The following EIF2B1 variants were observed in gnomAD, a reference collection of about 807,000 sequenced individuals.
EIF2B1 encodes the protein eukaryotic translation initiation factor 2B subunit alpha.
In EIF2B1, 30 loss-of-function variants were observed where a neutral mutation model predicts 36.8. The ratio of observed to expected loss-of-function variants is 0.81; its 90% confidence interval spans 0.61 to 1.10. The LOEUF (loss-of-function observed/expected upper bound fraction) is 1.10, where lower values mean the gene tolerates loss of function less well. Ranked by LOEUF, EIF2B1 falls within the 50% of genes least tolerant of loss-of-function variation. The probability of loss-of-function intolerance (pLI) is 0.00; values close to 1 mark genes in which losing one functional copy is unlikely to be tolerated. For missense variants in EIF2B1, 271 were observed against 374.8 expected, an observed-to-expected ratio of 0.72 and a Z score of 2.29; for synonymous variants, 139 against 142.2, an observed-to-expected ratio of 0.98 and a Z score of 0.16.
At position 123,624,770 on chromosome 12, in the gene EIF2B1, A is replaced by T. The variant is rs777398822; in HGVS notation, c.627+17T>A. 6.2e-7 allele frequency: 1 copy of T among 1,611,546 alleles called. No homozygotes were observed. The highest frequency in any genetic ancestry group is 1.1e-5 in the South Asian group (1 of 91,034). ...CCAAGTCTTGAGCAGGGAACTGGGG[A>T]GAACTGATGCTCTTACCTTGTTAAT... On this transcript the variant is annotated intron_variant, in intron 7 of 8. Transcript: ENST00000424014.
At chr12:123,622,988 G>A (rs1356445889) in intron 7 of EIF2B1, among the ~76,000 whole-genome samples, 1 of 151,856 alleles carries the variant, frequency 6.6e-6, no homozygotes, top group Non-Finnish European at 1.5e-5. Flanking sequence ...AGAAAGTTAT[G>A]TATATAATAT....
intron 7 of EIF2B1, among the ~76,000 whole-genome samples, chr12:123,624,256 C>T (rs1955131160): frequency 7.7e-6 from 1 of 129,102 alleles, no homozygotes; most frequent in Non-Finnish European, 1.6e-5. Context: ...ATAAATTACA[C>T]TTTTTTTTTT....
intron 4 of EIF2B1, among the ~76,000 whole-genome samples, chr12:123,628,958 C>T (rs1051615178): frequency 2.0e-5 from 3 of 152,182 alleles, no homozygotes; most frequent in Non-Finnish European, 4.4e-5. Flanking sequence ...GAAACCCGCA[C>T]AATACTGACG....
At chr12:123,632,569 T>TTTGG in intron 1 of EIF2B1, 123 bp from the exon 2 acceptor site, 1 of 745,812 alleles carries the variant, frequency 1.3e-6, no homozygotes, top group Non-Finnish European at 2.3e-6. Flanking sequence ...TTTTAGGGTA[T>TTTGG]TTGGTTTCAG....
In EIF2B1 at chr12:123,633,540, T is replaced by C. The variant is rs544273685; in HGVS notation, c.13+5A>G. 1.1e-5 allele frequency: 17 copies of C among 1,613,492 alleles called. No individual in the cohort carries two copies. The South Asian group carries it at 1.3e-4, about 13-fold the overall frequency. On this transcript the variant is annotated splice_donor_5th_base_variant and intron_variant, in intron 1 of 8. Coordinates refer to ENST00000424014, the MANE Select transcript of EIF2B1 (RefSeq NM_001414.4). ...GCCTAGCAGCCCTGGCCTGTCTTGA[T>C]TTACCCTTGTCGTCCATGGCGTCCT...
At chr12:123,624,657 C>A in intron 7 of EIF2B1, 130 bp downstream of exon 7, 1 of 803,854 alleles carries the variant, frequency 1.2e-6, no homozygotes. Flanking sequence ...GGCAACAACT[C>A]AATACCATGA....
intron 5 of EIF2B1, chr12:123,626,830 G>C (rs1328510854): frequency 2.8e-6 from 2 of 702,204 alleles, no homozygotes; most frequent in Non-Finnish European, 5.2e-6. Flanking sequence ...CTTCCACGGA[G>C]TTAACTACTT....
chr12:123,626,193 A>G (rs1955147279), intron 6 of EIF2B1: 1 of 566,742 alleles, frequency 1.8e-6, no homozygotes, highest in Non-Finnish European at 3.2e-6. Flanking sequence ...ACTTACAGCC[A>G]TAAAGCTATA....
At chr12:123,632,786 A>C (rs988735427) in intron 1 of EIF2B1, among the ~76,000 whole-genome samples, 13 of 151,870 alleles carry the variant, frequency 8.6e-5, no homozygotes, top group African/African-American at 3.1e-4. Context: ...CTCTACTAAA[A>C]ATACAAAAAA....
chr12:123,621,817 G>A lies in EIF2B1; in HGVS notation c.857C>T (p.Thr286Ile). Residue 286 changes from threonine to isoleucine, a missense_variant, in exon 9 of 9, where the codon ACA becomes ATA. Thr to Ile is a moderately conservative substitution (Grantham distance 89). Coordinates refer to ENST00000424014, the MANE Select transcript of EIF2B1 (RefSeq NM_001414.4). ...TAPSLITLLF[T>I]DLGVLTPSAV... Reference sequence around the variant, plus strand: ...TGAGGGTGTCAGCACGCCCAGGTCTGTAAACAGCAGAGTGATTAAGGAAGG... The same window carrying A: ...TGAGGGTGTCAGCACGCCCAGGTCTATAAACAGCAGAGTGATTAAGGAAGG... 1 of 1,614,034 alleles carries A rather than the reference G, an allele frequency of 6.2e-7. No homozygotes were observed. The highest frequency in any genetic ancestry group is 8.5e-7 in the Non-Finnish European group (1 of 1,180,042).
rs1955081974 is a variant in EIF2B1, at chr12:123,620,829, C to T, written c.*927G>A. 1 of 151,432 alleles carries T rather than the reference C, an allele frequency of 6.6e-6. No homozygotes were observed. The highest frequency in any genetic ancestry group is 1.5e-5 in the Non-Finnish European group (1 of 67,924). The allele number at this position is 151,432 out of a possible 1,614,324, so 9.4% of individuals were successfully genotyped here. ...TGGGGTTTTTCTGTGTTAATAGTCA[C>T]AGTATTGTTTTATTGGTGAATAGCT... On this transcript the variant is annotated 3_prime_UTR_variant, in exon 9 of 9. Transcript: ENST00000424014.
At chr12:123,628,345 TA>T (rs1245318540) in intron 4 of EIF2B1, among the ~76,000 whole-genome samples, 1 of 144,346 alleles carries the variant, frequency 6.9e-6, no homozygotes, top group Non-Finnish European at 1.5e-5. Flanking sequence ...AGTAGGCCCA[TA>T]ACCTCTTTTT....
At position 123,633,636 on chromosome 12, in the gene EIF2B1, G is replaced by A. The variant is rs746584137; in HGVS notation, c.-79C>T. The A allele has an allele frequency of 8.2e-6, 13 of 1,592,596 alleles. No homozygotes were observed. In the South Asian group the frequency reaches 8.8e-5, roughly 11 times the overall value. On this transcript the variant is annotated 5_prime_UTR_variant, in exon 1 of 9. Transcript: ENST00000424014. ...AACGGGTCCGCCGGCCGCGCCGCCT[G>A]CGAGCCAGTCTGACAGCGCGCTGCA...
intron 4 of EIF2B1, among the ~76,000 whole-genome samples, chr12:123,629,191 G>A (rs1389310519): frequency 5.9e-5 from 9 of 152,166 alleles, no homozygotes; most frequent in Admixed American, 6.5e-5. Context: ...TTATGATCAG[G>A]GGAGGCCTAG....
At chr12:123,623,061 AT>A (rs1955119121) in intron 7 of EIF2B1, among the ~76,000 whole-genome samples, 1 of 151,862 alleles carries the variant, frequency 6.6e-6, no homozygotes, top group Admixed American at 6.6e-5. Context: ...AATCAAAAAA[AT>A]AAATGTTTCT....
chr12:123,632,579 G>C (rs1357236857), intron 1 of EIF2B1, 133 bp from the exon 2 acceptor site: 19 of 703,360 alleles, frequency 2.7e-5, no homozygotes, highest in Middle Eastern at 3.1e-4. Context: ...TTTGGTTTCA[G>C]GGATGCAATA....
chr12:123,632,534 G>A lies in EIF2B1; in HGVS notation c.14-88C>T, dbSNP rs1438969325. 1.2e-5 allele frequency: 11 copies of A among 907,694 alleles called. No individual in the cohort carries two copies. The African/African-American group carries it at 1.8e-4, about 15-fold the overall frequency. The allele number at this position is 907,694 out of a possible 1,614,324, so 56.2% of individuals were successfully genotyped here. Reference sequence around the variant, plus strand: ...TGTTAATGACTGTTGACTTTAAGAAGCAAACAATTTAAAAAATACTTTCTT... The same window carrying A: ...TGTTAATGACTGTTGACTTTAAGAAACAAACAATTTAAAAAATACTTTCTT... On this transcript the variant is annotated intron_variant, in intron 1 of 8. Transcript: ENST00000424014.
Position 123,627,035 on chromosome 12 carries a change from G to T in EIF2B1, c.482+9C>A, listed in dbSNP as rs1183791934. 2 of 1,612,580 alleles carry T rather than the reference G, an allele frequency of 1.2e-6. No individual in the cohort carries two copies. The highest frequency in any genetic ancestry group is 8.5e-7 in the Non-Finnish European group (1 of 1,178,572). On this transcript the variant is annotated intron_variant, in intron 5 of 8. Coordinates refer to ENST00000424014, the MANE Select transcript of EIF2B1 (RefSeq NM_001414.4). ...GGCTGGGCACATAACTGAACAGAAA[G>T]GTACTTGCCCTGACAAATCAGGCTG... is the stretch of plus-strand genomic sequence containing the variant.
intron 1 of EIF2B1, 127 bp downstream of exon 1, chr12:123,633,416 AAC>A (rs1955217900): frequency 2.1e-6 from 3 of 1,421,570 alleles, no homozygotes; most frequent in Non-Finnish European, 2.0e-6. Flanking sequence ...TGACTCTGGA[AAC>A]ACAACCAGCG....
Sources: gnomAD v4.1 joint callset for allele counts (sites outside exome capture counted in the v4.1 genomes callset) on GRCh38, gnomAD v4.1.1 for gene constraint, MANE v1.5 for transcripts, NCBI Gene and HGNC (gene_info 2026-07-23, HGNC 2026-07-21) for gene names.